Variants in DCAF8L2 observed in about 807,000 individuals in gnomAD.
DCAF8L2 encodes the protein DDB1- and CUL4-associated factor 8-like protein 2.
For synonymous variants in DCAF8L2, 200 were observed against 190.9 expected, an observed-to-expected ratio of 1.05 and a Z score of -0.39; for missense variants, 430 against 490.7, an observed-to-expected ratio of 0.88 and a Z score of 1.17.
intron 2 of DCAF8L2, among the ~76,000 whole-genome samples, chrX:27,667,358 G>A (rs755301471): frequency 9.0e-6 from 1 of 111,709 alleles, no homozygotes; most frequent in Non-Finnish European, 1.9e-5. Context: ...GAAGTTCAAT[G>A]AGTAAATATG....
the DCAF8L2 span, among the ~76,000 whole-genome samples, chrX:27,536,347 T>C: frequency 1.8e-5 from 2 of 112,707 alleles, no homozygotes; most frequent in Non-Finnish European, 3.7e-5. Context: ...TTTGGAATGG[T>C]TAGTTACTGT....
At chrX:27,659,764 G>T (rs763513021) in intron 2 of DCAF8L2, among the ~76,000 whole-genome samples, 87 of 110,116 alleles carry the variant, frequency 7.9e-4, no homozygotes, top group Non-Finnish European at 1.5e-3. Context: ...TCAGTTTCAA[G>T]ATTTCTATTT....
chrX:27,738,963 C>T (rs1215074404), intron 4 of DCAF8L2, among the ~76,000 whole-genome samples: 2 of 111,209 alleles, frequency 1.8e-5, no homozygotes, highest in Non-Finnish European at 3.8e-5. Context: ...CTGCTACAAC[C>T]CCTCCACCTG....
At chrX:27,494,347 G>A in the DCAF8L2 span, among the ~76,000 whole-genome samples, 2 of 110,908 alleles carry the variant, frequency 1.8e-5, no homozygotes, top group Non-Finnish European at 3.8e-5. Context: ...CAGAGGTTGC[G>A]GTGAGCCGAG....
chrX:27,512,441 TG>T, the DCAF8L2 span, among the ~76,000 whole-genome samples: 1 of 110,080 alleles, frequency 9.1e-6, no homozygotes, highest in Non-Finnish European at 1.9e-5. Context: ...CCCAGCACTT[TG>T]GGGGGCCGAG....
At chrX:27,731,317 A>G (rs1180407358) in intron 4 of DCAF8L2, among the ~76,000 whole-genome samples, 1 of 111,182 alleles carries the variant, frequency 9.0e-6, no homozygotes, top group Non-Finnish European at 1.9e-5. Context: ...TGGCTGAGGC[A>G]CGAACCTGGA....
chrX:27,663,021 T>TA (rs1191368141), intron 2 of DCAF8L2, among the ~76,000 whole-genome samples: 1 of 111,946 alleles, frequency 8.9e-6, no homozygotes, highest in African/African-American at 3.2e-5. Flanking sequence ...TTATCAAACT[T>TA]ACATTCTTCA....
chrX:27,709,784 G>C (rs1931461579), intron 3 of DCAF8L2, among the ~76,000 whole-genome samples: 1 of 110,398 alleles, frequency 9.1e-6, no homozygotes, highest in African/African-American at 3.3e-5. Flanking sequence ...TTCTGTGGCT[G>C]GCATGTTCAT....
Position 27,748,624 on chromosome X carries a change from C to G in DCAF8L2, c.1729C>G (p.Gln577Glu), listed in dbSNP as rs1453623269. 1 of 1,200,923 alleles carries G rather than the reference C, an allele frequency of 8.3e-7. No individual in the cohort carries two copies. Among genetic ancestry groups the G allele is most frequent in the African/African-American group, 1.8e-5 (1 of 57,012 alleles). ...CTTGCACCATGGCAGCCTGTTTGAC[C>G]AGTACATGCTTTGGTTCCTCCTGCG... ...DSLHHGSLFD[Q>E]YMLWFLLRHV... The change falls in exon 5 of 5, where the codon CAG (glutamine) becomes GAG (glutamate). Residue 577 changes from glutamine (Q) to glutamate (E), a missense_variant. Physicochemically the swap from Gln to Glu is conservative, Grantham distance 29 (BLOSUM62 2). Coordinates refer to ENST00000451261, the MANE Select transcript of DCAF8L2 (RefSeq NM_001353450.2).
intron 3 of DCAF8L2, among the ~76,000 whole-genome samples, chrX:27,696,011 A>C (rs1378755073): frequency 9.2e-6 from 1 of 108,992 alleles, no homozygotes; most frequent in Non-Finnish European, 1.9e-5. Context: ...CCTGGCCAAC[A>C]TAGCGAAACC....
the DCAF8L2 span, among the ~76,000 whole-genome samples, chrX:27,509,093 G>T: frequency 9.0e-6 from 1 of 111,594 alleles, no homozygotes; most frequent in South Asian, 3.7e-4. Flanking sequence ...AGTTCAAGTG[G>T]TTTTTTTCTA....
chrX:27,542,533 C>CT, the DCAF8L2 span, among the ~76,000 whole-genome samples: 39 of 33,458 alleles, frequency 1.2e-3, 3 homozygotes, highest in African/African-American at 1.4e-3. Flanking sequence ...CCTTTGCCTA[C>CT]TTTTTTTTTT....
chrX:27,552,930 G>A, the DCAF8L2 span, among the ~76,000 whole-genome samples: 1 of 111,711 alleles, frequency 9.0e-6, no homozygotes. Flanking sequence ...CCATCCATTT[G>A]TGTCTTTCAT....
chrX:27,516,686 G>C, the DCAF8L2 span, among the ~76,000 whole-genome samples: 1 of 111,322 alleles, frequency 9.0e-6, no homozygotes, highest in Non-Finnish European at 1.9e-5. Context: ...AATTTCAAAA[G>C]TATTTCTCGA....
chrX:27,517,702 A>C, the DCAF8L2 span: 9 of 858,810 alleles, frequency 1.0e-5, no homozygotes, highest in African/African-American at 2.0e-5. Context: ...CGTATCCGCA[A>C]AGGCCTGCTT....
the DCAF8L2 span, among the ~76,000 whole-genome samples, chrX:27,559,642 G>A: frequency 8.9e-5 from 10 of 111,951 alleles, no homozygotes; most frequent in East Asian, 2.8e-4. Context: ...TGGCTACATC[G>A]TTCACGTGGC....
rs1342136184 is a variant in DCAF8L2 at position 27,749,833 on chromosome X, TCTG to T, written c.*1046_*1048del. ...CATCCTCACATTGCTTAAAATTCTC[TCTG>T]CTGTTTAAATTGCTTTAAAAATTGT... On this transcript the variant is annotated 3_prime_UTR_variant, in exon 5 of 5. Coordinates refer to ENST00000451261, the MANE Select transcript of DCAF8L2 (RefSeq NM_001353450.2). Among the ~76,000 whole-genome samples, 1 of 112,733 alleles carries T rather than the reference TCTG, an allele frequency of 8.9e-6. No homozygotes were observed. Among genetic ancestry groups the T allele is most frequent in the Non-Finnish European group, 1.9e-5 (1 of 53,375 alleles).
At chrX:27,634,458 G>A (rs1219629789) in intron 2 of DCAF8L2, among the ~76,000 whole-genome samples, 1 of 110,627 alleles carries the variant, frequency 9.0e-6, no homozygotes, top group African/African-American at 3.3e-5. Context: ...AAACGAGGTT[G>A]TTGGAGTTGG....
At position 27,653,566 on chromosome X, in the gene DCAF8L2, T is replaced by C. The variant is rs192755761; in HGVS notation, c.-220+21566T>C. ...GAAAATATGTTTTTCTCCAATACTTTATATTTTCATTAAATTTTAAGGTCC... is the reference window on the plus strand; with the variant it reads ...GAAAATATGTTTTTCTCCAATACTTCATATTTTCATTAAATTTTAAGGTCC... On this transcript the variant is annotated intron_variant, in intron 2 of 4. Transcript: ENST00000451261. Among the ~76,000 whole-genome samples the C allele has an allele frequency of 8.5e-4, 95 of 111,480 alleles. No individual in the cohort carries two copies. In the East Asian group the frequency reaches 0.027, roughly 31 times the overall value.
Sources: allele counts gnomAD v4.1 joint callset (sites outside exome capture counted in the v4.1 genomes callset), GRCh38; gene constraint gnomAD v4.1.1; transcripts MANE v1.5; gene names NCBI Gene and HGNC (gene_info 2026-07-23, HGNC 2026-07-21).